RARB: variants seen among roughly 807,000 people sequenced by gnomAD.
RARB encodes retinoic acid receptor beta, also known as HBV-activated protein.
RARB carries 17 observed loss-of-function variants against 51.9 expected under a neutral mutation model. The ratio of observed to expected loss-of-function variants is 0.33; its 90% CI spans 0.22 to 0.49. The LOEUF (loss-of-function observed/expected upper bound fraction) is 0.49, where lower values mean the gene tolerates loss of function less well. Ranked by LOEUF, RARB falls within the 20% of genes least tolerant of loss-of-function variation. The pLI is 0.99. For synonymous variants in RARB, 215 were observed against 195.4 expected (o/e 1.10, Z -0.84); for missense variants, 369 against 550.8 (o/e 0.67, Z 3.30).
chr3:25,163,126 C>G (rs893926665), intron 4 of RARB, among the ~76,000 whole-genome samples: 6 of 152,184 alleles, frequency 3.9e-5, no homozygotes, highest in Non-Finnish European at 5.9e-5. Context: ...GCTGAATGTC[C>G]TATTATGTGT....
chr3:25,306,202 C>T lies in RARB; in HGVS notation c.178+131627C>T, dbSNP rs574372543. ...CATTGAGTTTCATTGATTGGGTCTC[C>T]GTGGCAGGCCAGCTGCCCCCCAGGA... On this transcript the variant is annotated intron_variant, in intron 5 of 11. Coordinates refer to the RARB transcript ENST00000383772. 4.0e-4 allele frequency among the ~76,000 whole-genome samples: 61 copies of T among 152,064 alleles called. 1 individual carries two copies. Among genetic ancestry groups the T allele is most frequent in the Non-Finnish European group, 4.6e-4 (31 of 68,012 alleles).
At chr3:25,437,142 T>C (rs948877245) in intron 1 of RARB, among the ~76,000 whole-genome samples, 1 of 148,562 alleles carries the variant, frequency 6.7e-6, no homozygotes, top group African/African-American at 2.5e-5. Context: ...TTTGGTCATA[T>C]CTAAATTAGG....
chr3:25,524,977 C>G (rs945767259), intron 3 of RARB, among the ~76,000 whole-genome samples: 3 of 152,156 alleles, frequency 2.0e-5, no homozygotes, highest in East Asian at 1.9e-4. Flanking sequence ...GATCCACCCC[C>G]CTCAGCCTCC....
At chr3:25,197,110 G>A (rs1449141533) in intron 5 of RARB, among the ~76,000 whole-genome samples, 1 of 152,060 alleles carries the variant, frequency 6.6e-6, no homozygotes, top group African/African-American at 2.4e-5. Flanking sequence ...TGTTGTCATT[G>A]CTTTTGGTGT....
intron 5 of RARB, among the ~76,000 whole-genome samples, chr3:25,391,054 C>A (rs746960947): frequency 2.5e-4 from 38 of 152,130 alleles, no homozygotes; most frequent in East Asian, 1.9e-4. Context: ...CACGCCCCAA[C>A]CTTTCCCCCA....
intron 2 of RARB, among the ~76,000 whole-genome samples, chr3:24,896,866 C>G (rs1034107191): frequency 2.6e-5 from 4 of 152,162 alleles, no homozygotes; most frequent in African/African-American, 9.7e-5. Flanking sequence ...AAGACTTGAG[C>G]TGTTATGAAA....
chr3:24,838,770 T>A (rs777923558), intron 1 of RARB, among the ~76,000 whole-genome samples: 1 of 152,084 alleles, frequency 6.6e-6, no homozygotes, highest in African/African-American at 2.4e-5. Context: ...TATATGGCAA[T>A]AGCAGTATGG....
chr3:24,979,818 G>A (rs548323121), intron 2 of RARB, among the ~76,000 whole-genome samples: 1 of 152,200 alleles, frequency 6.6e-6, no homozygotes, highest in African/African-American at 2.4e-5. Context: ...CTGTCATTAC[G>A]ATGCTAGTTG....
rs570950021 is a variant in RARB, at chr3:25,584,990, A to G, written c.786+4268A>G. ...CCACTGCACGCAATCCTGGCTCCAC[A>G]TAGATCCTGCTTTCCTTCAGCTTGC... On this transcript the variant is annotated intron_variant, in intron 5 of 7. Coordinates refer to ENST00000330688, the MANE Select transcript of RARB (RefSeq NM_000965.5). Among the ~76,000 whole-genome samples the G allele has an allele frequency of 1.1e-3, 163 of 145,088 alleles. 1 individual carries two copies. Among genetic ancestry groups the G allele is most frequent in the African/African-American group, 4.2e-3 (155 of 36,776 alleles).
chr3:24,919,655 T>C (rs1283191594), intron 2 of RARB, among the ~76,000 whole-genome samples: 1 of 152,230 alleles, frequency 6.6e-6, no homozygotes, highest in Non-Finnish European at 1.5e-5. Context: ...AACTGTTTAG[T>C]AGGATTTGTC....
At chr3:24,918,963 A>G (rs567542898) in intron 2 of RARB, among the ~76,000 whole-genome samples, 2 of 152,290 alleles carry the variant, frequency 1.3e-5, no homozygotes, top group South Asian at 4.1e-4. Flanking sequence ...TTTGTGGGTA[A>G]GAGAACTGAA....
intron 5 of RARB, among the ~76,000 whole-genome samples, chr3:25,243,490 C>T (rs1702481510): frequency 6.6e-6 from 1 of 152,154 alleles, no homozygotes; most frequent in Non-Finnish European, 1.5e-5. Flanking sequence ...TTCATTAATA[C>T]CTAGTTTATT....
intron 2 of RARB, among the ~76,000 whole-genome samples, chr3:24,959,409 C>A (rs1696090060): frequency 6.6e-6 from 1 of 152,146 alleles, no homozygotes; most frequent in Non-Finnish European, 1.5e-5. Flanking sequence ...CAAGCCATCC[C>A]TCTGGAGTCA....
intron 2 of RARB, among the ~76,000 whole-genome samples, chr3:24,919,129 C>G (rs1031844472): frequency 6.6e-6 from 1 of 152,174 alleles, no homozygotes; most frequent in Non-Finnish European, 1.5e-5. Context: ...GTACTTATCA[C>G]AGCATTTAAC....
chr3:24,942,641 TA>T (rs1423100140), intron 2 of RARB, among the ~76,000 whole-genome samples: 1 of 152,220 alleles, frequency 6.6e-6, no homozygotes, highest in Non-Finnish European at 1.5e-5. Context: ...TTCATCTTTG[TA>T]GTCAAGTTCA....
rs996642983 is a variant in RARB, at chr3:25,217,651, A to G, written c.178+43076A>G. On this transcript the variant is annotated intron_variant, in intron 5 of 11. Transcript: ENST00000383772. ...TGTGTGACCTTTTGTCTCCCCCTGA[A>G]CCTTTCTGAGACTCCCTTTCCTCAT... Among the ~76,000 whole-genome samples the G allele has an allele frequency of 4.9e-4, 74 of 152,094 alleles. 1 individual carries two copies. Among genetic ancestry groups the G allele is most frequent in the Admixed American group, 2.6e-4 (4 of 15,272 alleles).
chr3:25,251,734 A>C (rs1248922687), intron 5 of RARB, among the ~76,000 whole-genome samples: 1 of 152,086 alleles, frequency 6.6e-6, no homozygotes, highest in East Asian at 1.9e-4. Flanking sequence ...CTGAGTTGTA[A>C]GAATTTTTTA....
At position 24,886,538 on chromosome 3, in the gene RARB, G is replaced by A. The variant is rs536851084; in HGVS notation, c.-380+27786G>A. 1.7e-4 allele frequency among the ~76,000 whole-genome samples: 26 copies of A among 150,666 alleles called. No individual in the cohort carries two copies. The South Asian group carries it at 3.6e-3, about 21-fold the overall frequency. ...TGGCTTACTGCAGCCTTTACCTCCC[G>A]GACTCAAGCCATTCTTTCTCCTCAG... On this transcript the variant is annotated intron_variant, in intron 2 of 11. Coordinates refer to the RARB transcript ENST00000383772.
intron 5 of RARB, among the ~76,000 whole-genome samples, chr3:25,394,140 G>T (rs1198259533): frequency 2.6e-5 from 4 of 151,982 alleles, no homozygotes; most frequent in African/African-American, 9.7e-5. Flanking sequence ...TTCCCATCTT[G>T]ATTCCATTGT....
Sources: allele counts gnomAD v4.1 joint callset (sites outside exome capture counted in the v4.1 genomes callset), GRCh38; gene constraint gnomAD v4.1.1; transcripts MANE v1.5; gene names NCBI Gene and HGNC (gene_info 2026-07-23, HGNC 2026-07-21).